Variants in SAMMSON observed in about 807,000 individuals in gnomAD.
The protein encoded by SAMMSON is long intergenic non-protein coding RNA 1212.
At chr3:70,180,571 G>A (rs1320590513) in intron 4 of SAMMSON, among the ~76,000 whole-genome samples, 1 of 152,002 alleles carries the variant, frequency 6.6e-6, no homozygotes, top group Non-Finnish European at 1.5e-5. Flanking sequence ...TTTATACACC[G>A]ACATAAACCA....
intron 3 of SAMMSON, among the ~76,000 whole-genome samples, chr3:70,038,085 G>T (rs976160245): frequency 1.3e-5 from 2 of 152,114 alleles, no homozygotes; most frequent in Non-Finnish European, 2.9e-5. Flanking sequence ...CTCCATTCAA[G>T]AGGGGTCAGG....
At chr3:70,121,128 C>A (rs778833382) in intron 4 of SAMMSON, among the ~76,000 whole-genome samples, 1 of 152,142 alleles carries the variant, frequency 6.6e-6, no homozygotes, top group Non-Finnish European at 1.5e-5. Flanking sequence ...CAATAGGGTT[C>A]GCGCTCCTAT....
In SAMMSON at chr3:70,103,686, ACTT is replaced by A. The variant is rs755152160; in HGVS notation, n.507+32125_507+32127del. Among the ~76,000 whole-genome samples, 29 of 152,230 alleles carry A rather than the reference ACTT, an allele frequency of 1.9e-4. 1 individual carries two copies. The highest frequency in any genetic ancestry group is 2.4e-4 in the Non-Finnish European group (16 of 68,002). Reference sequence around the variant, plus strand: ...ATTTAGACAGCTCTGAAGGTAGAAAACTTCTTATTGGCGAAAATTCTTACTCAA... The same window carrying A: ...ATTTAGACAGCTCTGAAGGTAGAAAACTTATTGGCGAAAATTCTTACTCAA... On this transcript the variant is annotated intron_variant and non_coding_transcript_variant, in intron 4 of 9. Transcript: ENST00000642114.
Position 70,065,703 on chromosome 3 carries a change from G to T in SAMMSON, n.418-5773G>T, listed in dbSNP as rs2067207101. ...GGGAGGATGCTATTTGCATCTCGTG[G>T]GTAGAAGCCAGGGATCCTGCTAAAC... On this transcript the variant is annotated intron_variant and non_coding_transcript_variant, in intron 3 of 9. Transcript: ENST00000642114. Among the ~76,000 whole-genome samples the T allele has an allele frequency of 2.0e-5, 3 of 151,824 alleles. No homozygotes were observed. In the South Asian group the frequency reaches 6.2e-4, roughly 32 times the overall value.
intron 4 of SAMMSON, among the ~76,000 whole-genome samples, chr3:70,140,037 T>C (rs1264992037): frequency 1.3e-5 from 2 of 152,200 alleles, no homozygotes; most frequent in African/African-American, 4.8e-5. Flanking sequence ...TTTTCATTAA[T>C]AATTATTTTG....
intron 4 of SAMMSON, among the ~76,000 whole-genome samples, chr3:70,093,482 A>G (rs765766794): frequency 6.6e-6 from 1 of 152,204 alleles, no homozygotes; most frequent in African/African-American, 2.4e-5. Context: ...TTTGTAGATG[A>G]CTAAATGACT....
chr3:70,222,625 A>G (rs1419890222), intron 4 of SAMMSON, among the ~76,000 whole-genome samples: 1 of 152,154 alleles, frequency 6.6e-6, no homozygotes, highest in Non-Finnish European at 1.5e-5. Context: ...AATACTTAAG[A>G]TGGAACCTTA....
At chr3:70,370,505 T>C (rs1702959128) in intron 9 of SAMMSON, among the ~76,000 whole-genome samples, 1 of 152,094 alleles carries the variant, frequency 6.6e-6, no homozygotes, top group Non-Finnish European at 1.5e-5. Flanking sequence ...CCATTCTAAT[T>C]AGGGTAAGAT....
At chr3:70,218,571 G>A (rs944113634) in intron 4 of SAMMSON, among the ~76,000 whole-genome samples, 5 of 152,074 alleles carry the variant, frequency 3.3e-5, no homozygotes, top group Non-Finnish European at 7.4e-5. Flanking sequence ...GTAGTGGCCT[G>A]AGTAGACTTT....
chr3:70,309,592 G>A (rs1702437434), intron 7 of SAMMSON, among the ~76,000 whole-genome samples: 1 of 152,058 alleles, frequency 6.6e-6, no homozygotes, highest in African/African-American at 2.4e-5. Context: ...TAGAAACCAT[G>A]CCTGCCTGAT....
At chr3:70,381,613 T>C (rs898199171) in intron 9 of SAMMSON, among the ~76,000 whole-genome samples, 52 of 152,078 alleles carry the variant, frequency 3.4e-4, no homozygotes, top group African/African-American at 1.2e-3. Flanking sequence ...ATGTTGCACA[T>C]GAACCAAGCT....
At chr3:70,222,582 G>T (rs2106737866) in intron 4 of SAMMSON, among the ~76,000 whole-genome samples, 1 of 152,174 alleles carries the variant, frequency 6.6e-6, no homozygotes, top group East Asian at 1.9e-4. Context: ...GACTCAAAAG[G>T]GTTGAAAACA....
chr3:70,143,234 G>T (rs1340678126), intron 4 of SAMMSON, among the ~76,000 whole-genome samples: 1 of 151,678 alleles, frequency 6.6e-6, no homozygotes, highest in Non-Finnish European at 1.5e-5. Context: ...TCTGGGCTTG[G>T]AATTCTAATG....
At chr3:70,060,595 T>C (rs960761090) in intron 3 of SAMMSON, among the ~76,000 whole-genome samples, 3 of 152,134 alleles carry the variant, frequency 2.0e-5, no homozygotes, top group Non-Finnish European at 4.4e-5. Flanking sequence ...AATATTATGA[T>C]GGCTTATTAT....
chr3:70,372,590 A>G (rs1174083067), intron 9 of SAMMSON, among the ~76,000 whole-genome samples: 2 of 152,110 alleles, frequency 1.3e-5, no homozygotes, highest in African/African-American at 2.4e-5. Context: ...ATGAGCCACC[A>G]TGCCCACACT....
intron 4 of SAMMSON, among the ~76,000 whole-genome samples, chr3:70,145,847 A>G (rs1159900041): frequency 6.6e-6 from 1 of 151,930 alleles, no homozygotes; most frequent in Non-Finnish European, 1.5e-5. Flanking sequence ...TAATAAAGAT[A>G]GGAGAAATCA....
At chr3:70,326,299 G>T (rs983297902) in intron 7 of SAMMSON, among the ~76,000 whole-genome samples, 1 of 152,070 alleles carries the variant, frequency 6.6e-6, no homozygotes, top group Non-Finnish European at 1.5e-5. Context: ...CTTATTAATT[G>T]TCTGATTTTG....
intron 4 of SAMMSON, among the ~76,000 whole-genome samples, chr3:70,187,630 G>C (rs995225767): frequency 6.6e-6 from 1 of 151,450 alleles, no homozygotes; most frequent in African/African-American, 2.4e-5. Flanking sequence ...TACAGACGGG[G>C]TTTCACCGTG....
At chr3:70,148,338 C>A (rs2067557475) in intron 4 of SAMMSON, among the ~76,000 whole-genome samples, 1 of 151,992 alleles carries the variant, frequency 6.6e-6, no homozygotes, top group Non-Finnish European at 1.5e-5. Flanking sequence ...AATTATTATC[C>A]TCAGAATGAA....
Sources: allele counts gnomAD v4.1 joint callset (sites outside exome capture counted in the v4.1 genomes callset), GRCh38; gene constraint gnomAD v4.1.1; transcripts MANE v1.5; gene names NCBI Gene and HGNC (gene_info 2026-07-23, HGNC 2026-07-21).